The following ANK3 variants were observed in gnomAD, a reference collection of about 807,000 sequenced individuals.
The protein encoded by ANK3 is ankyrin 3, also known as ankyrin-3.
Under a neutral mutation model 370.9 loss-of-function variants are expected in ANK3, and 57 were observed. The ratio of observed to expected loss-of-function variants is 0.15; its 90% confidence interval spans 0.12 to 0.19. ANK3 has a LOEUF of 0.19. Among genes scored for constraint, ANK3 ranks in the 10% least tolerant of loss-of-function variants. ANK3 has a pLI of 1.00. For synonymous variants in ANK3, 1,929 were observed against 1,946.3 expected (o/e 0.99, Z 0.23); for missense variants, 4,439 against 5,302.1 (o/e 0.84, Z 5.06).
intron 1 of ANK3, among the ~76,000 whole-genome samples, chr10:60,655,473 A>G (rs1261739217): frequency 1.3e-5 from 2 of 152,060 alleles, no homozygotes; most frequent in African/African-American, 4.8e-5. Context: ...AATATTTTAA[A>G]TAGAAAAATG....
At chr10:60,416,517 C>T (rs2063671776) in intron 2 of ANK3, among the ~76,000 whole-genome samples, 2 of 152,112 alleles carry the variant, frequency 1.3e-5, no homozygotes, top group South Asian at 4.1e-4. Flanking sequence ...TCTAAAGTGA[C>T]AAAATTCAGT....
At chr10:60,432,451 C>T (rs1173322359) in intron 2 of ANK3, among the ~76,000 whole-genome samples, 1 of 152,166 alleles carries the variant, frequency 6.6e-6, no homozygotes, top group African/African-American at 2.4e-5. Context: ...TTCCTAGTTC[C>T]TCCCTTGATT....
intron 2 of ANK3, among the ~76,000 whole-genome samples, chr10:60,600,743 T>C (rs2078049494): frequency 1.3e-5 from 2 of 152,180 alleles, no homozygotes; most frequent in East Asian, 3.8e-4. Context: ...ATATGTAACA[T>C]TTGATTAGAT....
intron 4 of ANK3, among the ~76,000 whole-genome samples, chr10:60,272,261 T>G (rs1227408668): frequency 6.6e-6 from 1 of 152,018 alleles, no homozygotes; most frequent in East Asian, 1.9e-4. Context: ...TGGACCAAAA[T>G]GAAAGATCAT....
At chr10:60,347,864 G>A (rs2055972579) in intron 1 of ANK3, among the ~76,000 whole-genome samples, 1 of 151,998 alleles carries the variant, frequency 6.6e-6, no homozygotes, top group Admixed American at 6.6e-5. Context: ...GTTGGCTCAG[G>A]GACCAAGTTT....
chr10:60,493,187 A>T (rs866736334), intron 2 of ANK3, among the ~76,000 whole-genome samples: 2 of 152,254 alleles, frequency 1.3e-5, no homozygotes, highest in African/African-American at 4.8e-5. Flanking sequence ...GGTAAGATTT[A>T]GAAGGTCCTG....
At chr10:60,665,446 T>C (rs566137160) in intron 1 of ANK3, among the ~76,000 whole-genome samples, 1 of 152,312 alleles carries the variant, frequency 6.6e-6, no homozygotes, top group Non-Finnish European at 1.5e-5. Context: ...ATGTGTTGTC[T>C]GGCATGTAGC....
At chr10:60,520,177 A>C (rs2076316126) in intron 2 of ANK3, among the ~76,000 whole-genome samples, 1 of 152,164 alleles carries the variant, frequency 6.6e-6, no homozygotes, top group African/African-American at 2.4e-5. Context: ...AAATTAATGC[A>C]GAAACAGAAA....
intron 2 of ANK3, among the ~76,000 whole-genome samples, chr10:60,595,718 T>A (rs555779002): frequency 2.8e-4 from 42 of 152,280 alleles, no homozygotes; most frequent in Admixed American, 7.2e-4. Flanking sequence ...ACTGTTATCT[T>A]TGTTTCAAAG....
At chr10:60,462,872 C>A (rs987915373) in intron 2 of ANK3, among the ~76,000 whole-genome samples, 2 of 151,210 alleles carry the variant, frequency 1.3e-5, no homozygotes, top group South Asian at 4.2e-4. Flanking sequence ...TCTTTGCTAT[C>A]TTCTTTCCCT....
At chr10:60,359,595 T>C (rs1468787194) in intron 1 of ANK3, among the ~76,000 whole-genome samples, 1 of 152,238 alleles carries the variant, frequency 6.6e-6, no homozygotes, top group African/African-American at 2.4e-5. Context: ...CTTAGAGTAA[T>C]TTGATCTAAA....
chr10:60,262,089 G>A (rs1185083849), intron 6 of ANK3, 132 bp from the exon 7 acceptor site: 1 of 707,050 alleles, frequency 1.4e-6, no homozygotes, highest in African/African-American at 1.8e-5. Context: ...TTCTGTACTA[G>A]GTTTCGATCA....
chr10:60,717,963 A>G (rs566780090), intron 1 of ANK3, among the ~76,000 whole-genome samples: 1 of 152,384 alleles, frequency 6.6e-6, no homozygotes, highest in African/African-American at 2.4e-5. Context: ...AGACAGAAAA[A>G]GGAAATAACA....
At chr10:60,691,569 G>T (rs571114000) in intron 1 of ANK3, among the ~76,000 whole-genome samples, 1 of 152,134 alleles carries the variant, frequency 6.6e-6, no homozygotes, top group Admixed American at 6.5e-5. Flanking sequence ...TTTCTTAAAG[G>T]ACATTTTGCC....
At chr10:60,294,609 T>C (rs1238441084) in intron 1 of ANK3, among the ~76,000 whole-genome samples, 1 of 152,220 alleles carries the variant, frequency 6.6e-6, no homozygotes, top group Non-Finnish European at 1.5e-5. Flanking sequence ...CTTAAGTCTG[T>C]AATCAACAAA....
intron 2 of ANK3, among the ~76,000 whole-genome samples, chr10:60,441,226 C>T (rs908794656): frequency 3.9e-5 from 6 of 152,104 alleles, no homozygotes; most frequent in Non-Finnish European, 8.8e-5. Flanking sequence ...ATGAGCATTA[C>T]TATTTTTATC....
At chr10:60,501,819 G>A (rs963953857) in intron 2 of ANK3, among the ~76,000 whole-genome samples, 2 of 151,678 alleles carry the variant, frequency 1.3e-5, no homozygotes, top group African/African-American at 4.8e-5. Context: ...ACAAAAAAAA[G>A]GAAAAAGAAA....
intron 2 of ANK3, among the ~76,000 whole-genome samples, chr10:60,410,757 C>T (rs904588316): frequency 1.3e-5 from 2 of 149,202 alleles, no homozygotes; most frequent in Non-Finnish European, 3.0e-5. Flanking sequence ...TCCTCAAACT[C>T]CTGGTTCAAG....
At chr10:60,140,328 C>G (rs1425256623) in intron 23 of ANK3, 2 of 1,613,032 alleles carry the variant, frequency 1.2e-6, no homozygotes, top group South Asian at 2.2e-5. Flanking sequence ...ACAGCACACA[C>G]CAAGTACAAC....
Sources: gnomAD v4.1 joint callset for allele counts (sites outside exome capture counted in the v4.1 genomes callset) on GRCh38, gnomAD v4.1.1 for gene constraint, MANE v1.5 for transcripts, NCBI Gene and HGNC (gene_info 2026-07-23, HGNC 2026-07-21) for gene names.